The following YY1AP1 variants were observed in gnomAD, a reference collection of about 807,000 sequenced individuals.
YY1AP1 encodes YY1 associated protein 1.
A neutral mutation model predicts 39.9 loss-of-function variants in YY1AP1; 43 were observed. That is an observed-to-expected ratio of 1.08 (90% CI 0.84 to 1.39). YY1AP1 has a LOEUF of 1.39. YY1AP1 is among the 40% of genes most tolerant of loss of function. The pLI is 0.00. For synonymous variants in YY1AP1, 292 were observed against 331.3 expected (o/e 0.88, Z 1.29); for missense variants, 813 against 900.7 (o/e 0.90, Z 1.25).
intron 6 of YY1AP1, 168 bp downstream of exon 6, chr1:155,674,837 GAAAAA>G: frequency 1.8e-6 from 1 of 554,654 alleles, no homozygotes. Context: ...AAAAAGAAAA[GAAAAA>G]ATTGAATACA....
intron 9 of YY1AP1, among the ~76,000 whole-genome samples, chr1:155,663,705 C>A (rs544778214): frequency 6.6e-6 from 1 of 151,934 alleles, no homozygotes; most frequent in Non-Finnish European, 1.5e-5. Context: ...GGCAATGGAG[C>A]GAGACTCTGT....
chr1:155,685,789 T>A (rs1256550091), intron 2 of YY1AP1, among the ~76,000 whole-genome samples: 1 of 152,120 alleles, frequency 6.6e-6, no homozygotes, highest in East Asian at 1.9e-4. Context: ...GTTCCTAAAA[T>A]CATATATATA....
At chr1:155,664,740 C>T (rs925900127) in intron 9 of YY1AP1, among the ~76,000 whole-genome samples, 7 of 148,456 alleles carry the variant, frequency 4.7e-5, no homozygotes, top group Admixed American at 6.8e-5. Context: ...AAACTGACAT[C>T]GATACAATCA....
chr1:155,666,387 C>T (rs1449577899), intron 9 of YY1AP1, among the ~76,000 whole-genome samples: 1 of 152,194 alleles, frequency 6.6e-6, no homozygotes, highest in Non-Finnish European at 1.5e-5. Context: ...TCCCAAAGTG[C>T]TGGGATTACA....
At chr1:155,687,114 G>A (rs1338385004) in intron 2 of YY1AP1, among the ~76,000 whole-genome samples, 2 of 152,164 alleles carry the variant, frequency 1.3e-5, no homozygotes, top group Non-Finnish European at 2.9e-5. Flanking sequence ...AACTGAAAGA[G>A]CTTTCTTATT....
chr1:155,688,257 G>A, intron 1 of YY1AP1, 56 bp from the exon 2 acceptor site: 2 of 1,604,444 alleles, frequency 1.2e-6, no homozygotes, highest in Non-Finnish European at 1.7e-6. Flanking sequence ...GGGGCAAACT[G>A]AGAGGAGGCG....
At chr1:155,670,560 CTT>C in intron 7 of YY1AP1, 96 bp from the exon 8 acceptor site, 1 of 1,317,822 alleles carries the variant, frequency 7.6e-7, no homozygotes, top group Non-Finnish European at 1.1e-6. Flanking sequence ...TAGAGCTGTC[CTT>C]ATCTAACTTG....
chr1:155,670,411 T>G lies in YY1AP1; in HGVS notation c.637A>C (p.Lys213Gln), dbSNP rs1388558601. The G allele has an allele frequency of 6.2e-7, 1 of 1,614,152 alleles. No individual in the cohort carries two copies. Among genetic ancestry groups the G allele is most frequent in the South Asian group, 1.1e-5 (1 of 91,086 alleles). ...AGTAACTCTGGATACATGAAAACCT[T>G]GCTTGTGGCCAGGATCCAAGCCACT... ...KQVAWILATS[K>Q]VFMYPELLPV... The change falls in exon 8 of 11, where the codon AAG becomes CAG. Residue 213 changes from lysine to glutamine, a missense_variant. Physicochemically the swap from Lys to Gln is moderately conservative, Grantham distance 53 (BLOSUM62 1). Coordinates refer to ENST00000355499, the MANE Select transcript of YY1AP1 (RefSeq NM_139119.3).
chr1:155,659,747 C>T lies in YY1AP1; in HGVS notation c.2163G>A (p.Glu721=), dbSNP rs768940668. Residue 721 remains glutamate (E), a synonymous_variant, in exon 11 of 11, where the codon GAG becomes GAA. Transcript: ENST00000355499. Reference sequence around the variant, plus strand: ...CCCCAGGGGAAGAGTTGTTTAGAGACTCCTGGATGCCCTGAGGGAGCGGCT... The same window carrying T: ...CCCCAGGGGAAGAGTTGTTTAGAGATTCCTGGATGCCCTGAGGGAGCGGCT... ...ALEPLPQGIQ[E]SLNNSSPGDL... 3.7e-6 allele frequency: 6 copies of T among 1,614,256 alleles called. No homozygotes were observed. Among genetic ancestry groups the T allele is most frequent in the Non-Finnish European group, 5.1e-6 (6 of 1,180,048 alleles).
intron 2 of YY1AP1, among the ~76,000 whole-genome samples, chr1:155,684,045 C>T (rs917316742): frequency 6.6e-6 from 1 of 152,138 alleles, no homozygotes; most frequent in Non-Finnish European, 1.5e-5. Context: ...GTTAGGAGTT[C>T]GTGACCAGCC....
intron 9 of YY1AP1, among the ~76,000 whole-genome samples, chr1:155,666,311 TG>T (rs1464732715): frequency 1.3e-5 from 2 of 152,070 alleles, no homozygotes; most frequent in African/African-American, 4.8e-5. Context: ...TTAGTAGAGC[TG>T]GGGTTTCACC....
At chr1:155,675,475 CCG>C (rs1650510690) in intron 5 of YY1AP1, among the ~76,000 whole-genome samples, 2 of 151,812 alleles carry the variant, frequency 1.3e-5, no homozygotes, top group African/African-American at 4.8e-5. Flanking sequence ...TTACAGGTGC[CCG>C]CCGCCACACC....
In YY1AP1 at chr1:155,673,977, C is replaced by T. The variant is rs540084863; in HGVS notation, c.411+1033G>A. On this transcript the variant is annotated intron_variant, in intron 6 of 10. Transcript: ENST00000355499. The stretch of plus-strand genomic sequence containing the variant: ...GAGATCGAGACCATCCCGGCTAAAA[C>T]GGTGAAACCCCGTCTCTACTAAAAA... 5.7e-3 allele frequency among the ~76,000 whole-genome samples: 873 copies of T among 151,850 alleles called. 9 individuals carry two copies. Among genetic ancestry groups the T allele is most frequent in the African/African-American group, 0.02 (825 of 41,440 alleles).
In YY1AP1 at chr1:155,660,926, A is replaced by G. The variant is rs1647997973; in HGVS notation, c.997-13T>C. ...ATGGCAGACTGGCCTATTGGAAATG[A>G]GAACACTCTGATCCAGCACATGTCA... On this transcript the variant is annotated splice_polypyrimidine_tract_variant and intron_variant, in intron 10 of 10. Coordinates refer to ENST00000355499, the MANE Select transcript of YY1AP1 (RefSeq NM_139119.3). The G allele has an allele frequency of 1.9e-6, 3 of 1,613,980 alleles. No individual in the cohort carries two copies. The highest frequency in any genetic ancestry group is 3.3e-5 in the Admixed American group (2 of 60,016).
chr1:155,679,297 T>C (rs756290937), intron 4 of YY1AP1, 112 bp downstream of exon 4: 1 of 1,556,172 alleles, frequency 6.4e-7, no homozygotes. Flanking sequence ...CATCCTTACA[T>C]CAGTAACAGA....
chr1:155,675,166 T>C (rs550488334), intron 5 of YY1AP1, 70 bp from the exon 6 acceptor site: 1 of 1,477,110 alleles, frequency 6.8e-7, no homozygotes, highest in East Asian at 2.3e-5. Context: ...AGAGATATTT[T>C]TTTTTCCCCC....
intron 2 of YY1AP1, among the ~76,000 whole-genome samples, chr1:155,685,708 C>T (rs1201231630): frequency 6.6e-6 from 1 of 152,120 alleles, no homozygotes; most frequent in Non-Finnish European, 1.5e-5. Context: ...ATCCACACAC[C>T]CGAACAATGA....
At position 155,670,188 on chromosome 1, in the gene YY1AP1, A is replaced by C. The variant is rs1649640578; in HGVS notation, c.728+132T>G. On this transcript the variant is annotated intron_variant, in intron 8 of 10. Transcript: ENST00000355499. ...CACTGCTAGAACAAGCACGTTCTAGAGGACTCTGCTCATCTATACTGCTTT... is the reference window on the plus strand; with the variant it reads ...CACTGCTAGAACAAGCACGTTCTAGCGGACTCTGCTCATCTATACTGCTTT... 2.5e-6 allele frequency: 3 copies of C among 1,191,208 alleles called. No individual in the cohort carries two copies. The South Asian group carries it at 4.0e-5, about 16-fold the overall frequency. The allele number at this position is 1,191,208 out of a possible 1,614,324, so 73.8% of individuals were successfully genotyped here. A position where few individuals can be genotyped will look rare whatever the true frequency, so the allele number is the denominator to read the frequency against.
At chr1:155,681,555 T>G (rs558474741) in intron 2 of YY1AP1, among the ~76,000 whole-genome samples, 3 of 152,034 alleles carry the variant, frequency 2.0e-5, no homozygotes, top group Non-Finnish European at 4.4e-5. Flanking sequence ...TCCCACTGCA[T>G]TCCAGCCTGA....
Sources: gnomAD v4.1 joint callset for allele counts (sites outside exome capture counted in the v4.1 genomes callset) on GRCh38, gnomAD v4.1.1 for gene constraint, MANE v1.5 for transcripts, NCBI Gene and HGNC (gene_info 2026-07-23, HGNC 2026-07-21) for gene names.